Variants in QSER1 observed in about 807,000 individuals in gnomAD.
QSER1 encodes glutamine and serine rich 1.
QSER1 carries 49 observed loss-of-function variants against 158.5 expected under a neutral mutation model. The ratio of observed to expected loss-of-function variants is 0.31; its 90% CI spans 0.25 to 0.39. The LOEUF (loss-of-function observed/expected upper bound fraction) is 0.39. QSER1 is among the 10% of genes least tolerant of loss of function. The probability of loss-of-function intolerance (pLI) is 1.00; values close to 1 mark genes in which losing one functional copy is unlikely to be tolerated. For missense variants in QSER1, 1,754 were observed against 2,010.3 expected (o/e 0.87, Z 2.44); for synonymous variants, 650 against 715.5 (o/e 0.91, Z 1.46).
intron 3 of QSER1, 132 bp downstream of exon 3, chr11:32,928,255 T>G: frequency 1.6e-6 from 1 of 612,358 alleles, no homozygotes; most frequent in Non-Finnish European, 2.8e-6. Context: ...AGACCTGGAA[T>G]TTTTCAAAAT....
chr11:32,955,559 T>C, intron 6 of QSER1, 147 bp downstream of exon 6: 2 of 528,290 alleles, frequency 3.8e-6, no homozygotes, highest in Non-Finnish European at 6.7e-6. Flanking sequence ...TCTTTGATAG[T>C]CTAATATAAA....
intron 8 of QSER1, among the ~76,000 whole-genome samples, chr11:32,959,759 C>T (rs1053708413): frequency 6.6e-6 from 1 of 151,896 alleles, no homozygotes; most frequent in Non-Finnish European, 1.5e-5. Flanking sequence ...TTTAAATTTA[C>T]CGTTTTTATT....
Position 32,931,954 on chromosome 11 carries a change from G to A in QSER1, c.696G>A (p.Lys232=). The change falls in exon 4 of 13, where the codon AAG becomes AAA. Residue 232 remains lysine (K), a synonymous_variant. Coordinates refer to ENST00000650167, the MANE Select transcript of QSER1 (RefSeq NM_001076786.3). The part of the protein sequence containing the change: ...LSHHDPLLQI[K]TSQGTVPTAL... ...ATCATGACCCTTTGCTACAAATCAA[G>A]ACTTCCCAGGGAACTGTTCCAACTG... 1 of 1,614,148 alleles carries A rather than the reference G, an allele frequency of 6.2e-7. No homozygotes were observed. The highest frequency in any genetic ancestry group is 1.3e-5 in the African/African-American group (1 of 75,050).
chr11:32,959,194 T>C (rs1852578290), intron 8 of QSER1, among the ~76,000 whole-genome samples: 1 of 152,346 alleles, frequency 6.6e-6, no homozygotes, highest in South Asian at 2.1e-4. Flanking sequence ...CACAGCCGCA[T>C]AGATTCATTT....
At chr11:32,926,397 C>T (rs962570841) in intron 1 of QSER1, among the ~76,000 whole-genome samples, 3 of 151,952 alleles carry the variant, frequency 2.0e-5, no homozygotes, top group Non-Finnish European at 4.4e-5. Context: ...CTATGAGATG[C>T]AACTGATGAT....
intron 1 of QSER1, among the ~76,000 whole-genome samples, chr11:32,908,555 T>G (rs1851722713): frequency 1.3e-5 from 2 of 152,210 alleles, no homozygotes; most frequent in South Asian, 4.1e-4. Flanking sequence ...TTTAACCAAC[T>G]TGAGTGTATC....
intron 1 of QSER1, among the ~76,000 whole-genome samples, chr11:32,911,717 C>T (rs939674865): frequency 6.6e-6 from 1 of 152,240 alleles, no homozygotes; most frequent in Non-Finnish European, 1.5e-5. Flanking sequence ...CTTGCTTCCC[C>T]TTCACCTTCT....
intron 4 of QSER1, among the ~76,000 whole-genome samples, chr11:32,944,959 C>G (rs1482417062): frequency 2.1e-5 from 3 of 140,982 alleles, no homozygotes; most frequent in African/African-American, 7.9e-5. Flanking sequence ...GTTAGCTCTT[C>G]TTGTTGAATT....
chr11:32,922,197 T>C (rs1384553279), intron 1 of QSER1, among the ~76,000 whole-genome samples: 1 of 152,090 alleles, frequency 6.6e-6, no homozygotes, highest in Non-Finnish European at 1.5e-5. Flanking sequence ...ATTTCTTAGG[T>C]ACACCACCAA....
chr11:32,943,245 C>T (rs1361069226), intron 4 of QSER1, among the ~76,000 whole-genome samples: 2 of 151,296 alleles, frequency 1.3e-5, no homozygotes, highest in Non-Finnish European at 2.9e-5. Flanking sequence ...TGCCTAATTG[C>T]CCTGGCCAGA....
At chr11:32,964,733 T>TACACACACACAC (rs1246383757) in intron 8 of QSER1, among the ~76,000 whole-genome samples, 264 of 115,206 alleles carry the variant, frequency 2.3e-3, no homozygotes, top group Non-Finnish European at 4.1e-3. Context: ...TATATATATA[T>TACACACACACAC]ATATATACAC....
chr11:32,913,740 T>C (rs560917093), intron 1 of QSER1, among the ~76,000 whole-genome samples: 1 of 152,368 alleles, frequency 6.6e-6, no homozygotes, highest in South Asian at 2.1e-4. Context: ...CTTTATTGTT[T>C]ACTCTCACAA....
intron 4 of QSER1, among the ~76,000 whole-genome samples, chr11:32,946,391 A>G (rs1182655467): frequency 6.6e-6 from 1 of 151,050 alleles, no homozygotes; most frequent in Non-Finnish European, 1.5e-5. Flanking sequence ...GTCTTTGATG[A>G]TGGTGATGTA....
intron 4 of QSER1, among the ~76,000 whole-genome samples, chr11:32,942,928 C>T (rs1852265336): frequency 6.6e-6 from 1 of 152,120 alleles, no homozygotes. Context: ...GTTTGTAGTT[C>T]TCCTTGAAGA....
chr11:32,936,480 A>G (rs1254672053), intron 4 of QSER1, among the ~76,000 whole-genome samples: 1 of 152,192 alleles, frequency 6.6e-6, no homozygotes, highest in African/African-American at 2.4e-5. Context: ...ACTTATGTAA[A>G]CAATTGGCAG....
At chr11:32,937,890 A>G (rs1340732510) in intron 4 of QSER1, among the ~76,000 whole-genome samples, 3 of 152,322 alleles carry the variant, frequency 2.0e-5, no homozygotes, top group Non-Finnish European at 4.4e-5. Flanking sequence ...TTTAGTCTAG[A>G]AGATACTTAT....
At chr11:32,908,482 C>A (rs1851721853) in intron 1 of QSER1, among the ~76,000 whole-genome samples, 1 of 152,084 alleles carries the variant, frequency 6.6e-6, no homozygotes, top group Admixed American at 6.6e-5. Context: ...CTCTGCCACC[C>A]CACTAGATAG....
rs527789921 is a variant in QSER1, at chr11:32,912,380, T to C, written c.210-14777T>C. Among the ~76,000 whole-genome samples, 10 of 152,314 alleles carry C rather than the reference T, an allele frequency of 6.6e-5. No homozygotes were observed. The South Asian group carries it at 1.9e-3, about 28-fold the overall frequency. ...GCCACTGTTTTGCCCTCATAATTTC[T>C]TACCTGGATTTCTGCAGTAGGATCT... On this transcript the variant is annotated intron_variant, in intron 1 of 12. Transcript: ENST00000650167.
At chr11:32,953,809 G>C in intron 4 of QSER1, 48 bp from the exon 5 acceptor site, 1 of 1,544,660 alleles carries the variant, frequency 6.5e-7, no homozygotes, top group Non-Finnish European at 8.7e-7. Flanking sequence ...CAAAACAAGT[G>C]TTTAAATATT....
Sources: gnomAD v4.1 joint callset for allele counts (sites outside exome capture counted in the v4.1 genomes callset) on GRCh38, gnomAD v4.1.1 for gene constraint, MANE v1.5 for transcripts, NCBI Gene and HGNC (gene_info 2026-07-23, HGNC 2026-07-21) for gene names.